The following TAFA4 variants were observed in gnomAD, a reference collection of about 807,000 sequenced individuals.
TAFA4 encodes chemokine-like protein TAFA-4.
TAFA4 carries 20 observed loss-of-function variants against 21.1 expected under a neutral mutation model. The ratio of observed to expected loss-of-function variants is 0.95; its 90% CI spans 0.67 to 1.38. The LOEUF (loss-of-function observed/expected upper bound fraction) is 1.38, where lower values mean the gene tolerates loss of function less well. TAFA4 is among the 40% of genes most tolerant of loss of function. TAFA4 has a pLI of 0.00. For missense variants in TAFA4, 211 were observed against 180.9 expected (o/e 1.17, Z -0.95); for synonymous variants, 71 against 67.4 (o/e 1.05, Z -0.26).
chr3:68,784,215 G>A (rs755319623), intron 3 of TAFA4, among the ~76,000 whole-genome samples: 12 of 152,158 alleles, frequency 7.9e-5, no homozygotes, highest in Non-Finnish European at 1.5e-4. Context: ...AGATTATGAG[G>A]GGAAGGCACA....
intron 1 of TAFA4, among the ~76,000 whole-genome samples, chr3:68,904,378 G>C (rs933827389): frequency 2.6e-5 from 4 of 152,182 alleles, no homozygotes; most frequent in Non-Finnish European, 5.9e-5. Flanking sequence ...GTGAGAAAAA[G>C]GAGATGACGT....
intron 1 of TAFA4, among the ~76,000 whole-genome samples, chr3:68,908,597 AC>A (rs1336273355): frequency 6.6e-6 from 1 of 152,210 alleles, no homozygotes; most frequent in Non-Finnish European, 1.5e-5. Flanking sequence ...TAAATGCAAA[AC>A]ATTAAGCATG....
intron 3 of TAFA4, among the ~76,000 whole-genome samples, chr3:68,862,861 A>ACAC (rs2089364593): frequency 6.6e-6 from 1 of 151,540 alleles, no homozygotes; most frequent in Non-Finnish European, 1.5e-5. Flanking sequence ...ATTTTCACAC[A>ACAC]CACACACACA....
chr3:68,747,671 G>A (rs1266978128), intron 4 of TAFA4, among the ~76,000 whole-genome samples: 1 of 152,160 alleles, frequency 6.6e-6, no homozygotes, highest in Non-Finnish European at 1.5e-5. Context: ...AATCCTGACT[G>A]ATTGTGAGCT....
chr3:68,901,930 T>C (rs2089847032), intron 1 of TAFA4, among the ~76,000 whole-genome samples: 1 of 152,192 alleles, frequency 6.6e-6, no homozygotes, highest in Admixed American at 6.5e-5. Context: ...TGGAAATAAC[T>C]ACCAGGGTCC....
At chr3:68,853,447 T>A (rs1312433160) in intron 3 of TAFA4, among the ~76,000 whole-genome samples, 1 of 152,142 alleles carries the variant, frequency 6.6e-6, no homozygotes, top group Non-Finnish European at 1.5e-5. Context: ...CCTCTCTGCC[T>A]ACTGGTAGAG....
chr3:68,824,854 C>A (rs558299670), intron 3 of TAFA4, among the ~76,000 whole-genome samples: 1 of 152,298 alleles, frequency 6.6e-6, no homozygotes, highest in Admixed American at 6.5e-5. Context: ...TTTTAAGTAC[C>A]TACTATGAAT....
chr3:68,752,591 G>C (rs1559759194), intron 4 of TAFA4, among the ~76,000 whole-genome samples: 1 of 152,184 alleles, frequency 6.6e-6, no homozygotes, highest in Non-Finnish European at 1.5e-5. Context: ...TGGTGAGTGA[G>C]ATTTGGAGAC....
chr3:68,792,614 A>G (rs933712502), intron 3 of TAFA4, among the ~76,000 whole-genome samples: 3 of 152,308 alleles, frequency 2.0e-5, no homozygotes, highest in Non-Finnish European at 1.5e-5. Flanking sequence ...CAAAGCTCTC[A>G]AAGTTTCAGA....
intron 3 of TAFA4, among the ~76,000 whole-genome samples, chr3:68,806,325 T>C (rs1325225016): frequency 6.6e-6 from 1 of 152,226 alleles, no homozygotes; most frequent in East Asian, 1.9e-4. Flanking sequence ...TCTAATTGCC[T>C]GCTTTAAAAA....
At position 68,810,249 on chromosome 3, in the gene TAFA4, C is replaced by T. The variant is rs141927078; in HGVS notation, c.131-57231G>A. Among the ~76,000 whole-genome samples the T allele has an allele frequency of 2.7e-3, 408 of 152,226 alleles. 3 individuals are homozygous for T. Among genetic ancestry groups the T allele is most frequent in the East Asian group, 0.022 (111 of 5,162 alleles). On this transcript the variant is annotated intron_variant, in intron 3 of 5. Transcript: ENST00000295569. Reference sequence around the variant, plus strand: ...AGTCTACAGCTCCCAGCATGAGAGACGCAGAAGATGGGTGATTTCTGCATT... The same window carrying T: ...AGTCTACAGCTCCCAGCATGAGAGATGCAGAAGATGGGTGATTTCTGCATT...
intron 3 of TAFA4, among the ~76,000 whole-genome samples, chr3:68,765,997 A>T (rs1436614871): frequency 6.6e-6 from 1 of 152,204 alleles, no homozygotes; most frequent in Non-Finnish European, 1.5e-5. Flanking sequence ...TCCATAAAAA[A>T]GGTACAATGC....
At chr3:68,861,840 C>T (rs1559546515) in intron 3 of TAFA4, among the ~76,000 whole-genome samples, 2 of 152,070 alleles carry the variant, frequency 1.3e-5, no homozygotes, top group East Asian at 3.9e-4. Flanking sequence ...GAAATGCACA[C>T]TGAGAAGACG....
chr3:68,865,270 T>A (rs1188597022), intron 3 of TAFA4, among the ~76,000 whole-genome samples: 1 of 152,072 alleles, frequency 6.6e-6, no homozygotes, highest in Non-Finnish European at 1.5e-5. Context: ...ATTTTTTTTT[T>A]AATTTTTCTT....
chr3:68,838,337 T>C (rs1704572815), intron 3 of TAFA4, among the ~76,000 whole-genome samples: 1 of 152,216 alleles, frequency 6.6e-6, no homozygotes, highest in Non-Finnish European at 1.5e-5. Flanking sequence ...ATTATTATTT[T>C]TAATGTCAAG....
At position 68,848,069 on chromosome 3, in the gene TAFA4, G is replaced by A. The variant is rs144611704; in HGVS notation, c.130+32661C>T. Among the ~76,000 whole-genome samples the A allele has an allele frequency of 3.9e-5, 6 of 152,256 alleles. No individual in the cohort carries two copies. The East Asian group carries it at 9.6e-4, about 24-fold the overall frequency. The stretch of plus-strand genomic sequence containing the variant: ...AATAATGCATTTAATCCTCATAAAT[G>A]TATTAAAAGGTAGATGCTATTATTA... On this transcript the variant is annotated intron_variant, in intron 3 of 5. Transcript: ENST00000295569.
At chr3:68,868,938 G>GT (rs949546950) in intron 3 of TAFA4, among the ~76,000 whole-genome samples, 9 of 151,572 alleles carry the variant, frequency 5.9e-5, no homozygotes, top group African/African-American at 1.5e-4. Flanking sequence ...ACAAAAAGTT[G>GT]TTTTTTTGCA....
At chr3:68,899,287 T>G (rs984229616) in intron 1 of TAFA4, among the ~76,000 whole-genome samples, 1 of 152,172 alleles carries the variant, frequency 6.6e-6, no homozygotes, top group South Asian at 2.1e-4. Flanking sequence ...CATGTAGAAA[T>G]ATTATTTTAG....
chr3:68,780,606 C>T (rs1013536573), intron 3 of TAFA4, among the ~76,000 whole-genome samples: 2 of 152,234 alleles, frequency 1.3e-5, no homozygotes, highest in Non-Finnish European at 2.9e-5. Flanking sequence ...ATGGGACTTA[C>T]TCATCCTTGC....
Sources: allele counts gnomAD v4.1 joint callset (sites outside exome capture counted in the v4.1 genomes callset), GRCh38; gene constraint gnomAD v4.1.1; transcripts MANE v1.5; gene names NCBI Gene and HGNC (gene_info 2026-07-23, HGNC 2026-07-21).